The following ABCC1 variants were observed in gnomAD, a reference collection of about 807,000 sequenced individuals.
ABCC1 encodes multidrug resistance-associated protein 1.
In ABCC1, 83 loss-of-function variants were observed where a neutral mutation model predicts 172.9. The observed-to-expected ratio is 0.48, with a 90% CI of 0.40 to 0.58. ABCC1 has a LOEUF of 0.58. Ranked by LOEUF, ABCC1 falls within the 20% of genes least tolerant of loss-of-function variation. ABCC1 has a pLI of 0.00. For missense variants in ABCC1, 1,817 were observed against 2,002.7 expected (o/e 0.91, Z 1.77); for synonymous variants, 937 against 825.2 (o/e 1.14, Z -2.32).
At chr16:15,989,559 CT>C (rs775486163) in intron 1 of ABCC1, among the ~76,000 whole-genome samples, 4 of 152,296 alleles carry the variant, frequency 2.6e-5, no homozygotes, top group African/African-American at 4.8e-5. Context: ...GGCTTCTGAG[CT>C]ACCCCTCTGC....
intron 1 of ABCC1, among the ~76,000 whole-genome samples, chr16:15,996,568 C>A (rs1404581555): frequency 6.6e-6 from 1 of 152,176 alleles, no homozygotes; most frequent in African/African-American, 2.4e-5. Flanking sequence ...CTGCCCCATC[C>A]TCTCTGTGGC....
intron 11 of ABCC1, among the ~76,000 whole-genome samples, chr16:16,053,593 G>A (rs2151907039): frequency 6.6e-6 from 1 of 151,934 alleles, no homozygotes; most frequent in South Asian, 2.1e-4. Flanking sequence ...TTCAAGACCA[G>A]CCTGGGAAAC....
At chr16:16,136,399 C>A in intron 28 of ABCC1, 79 bp from the exon 29 acceptor site, 2 of 1,518,026 alleles carry the variant, frequency 1.3e-6, no homozygotes, top group Non-Finnish European at 1.8e-6. Context: ...CAGTCCTGGC[C>A]AGAAGTCCTT....
At chr16:16,084,236 G>A (rs1290942719) in intron 17 of ABCC1, among the ~76,000 whole-genome samples, 1 of 152,132 alleles carries the variant, frequency 6.6e-6, no homozygotes, top group Non-Finnish European at 1.5e-5. Context: ...CTGAGGGGCT[G>A]GAATTACAGG....
intron 1 of ABCC1, among the ~76,000 whole-genome samples, chr16:15,990,768 G>C (rs936729750): frequency 2.7e-4 from 41 of 151,126 alleles, no homozygotes; most frequent in Non-Finnish European, 5.4e-4. Context: ...TCCTGCCTCA[G>C]CCTCCCGAGT....
At chr16:16,096,440 C>CT in intron 19 of ABCC1, among the ~76,000 whole-genome samples, 2 of 152,228 alleles carry the variant, frequency 1.3e-5, no homozygotes, top group South Asian at 4.1e-4. Flanking sequence ...CCATAAGCAC[C>CT]TCCCCAAGTT....
intron 1 of ABCC1, among the ~76,000 whole-genome samples, chr16:15,995,224 C>T (rs186672646): frequency 6.6e-6 from 1 of 152,120 alleles, no homozygotes; most frequent in African/African-American, 2.4e-5. Context: ...AAATGGGTTA[C>T]GTTATAGTAC....
intron 5 of ABCC1, among the ~76,000 whole-genome samples, chr16:16,017,792 A>C (rs182774299): frequency 1.3e-3 from 197 of 152,230 alleles, no homozygotes; most frequent in African/African-American, 4.5e-3. Context: ...AGATCTGGGA[A>C]GGCCTGCCCA....
Position 16,142,391 on chromosome 16 carries a change from CT to C in ABCC1, c.*1113del, listed in dbSNP as rs1016963854. The C allele has an allele frequency of 3.9e-5, 6 of 152,164 alleles. No individual in the cohort carries two copies. The highest frequency in any genetic ancestry group is 1.4e-4 in the African/African-American group (6 of 41,434). 9.4% of individuals were successfully genotyped at this position (152,164 alleles called of 1,614,324 possible). On this transcript the variant is annotated 3_prime_UTR_variant, in exon 31 of 31. Coordinates refer to ENST00000399410, the MANE Select transcript of ABCC1 (RefSeq NM_004996.4). ...ATGGTACCTGCTCATGGTTATGAAG[CT>C]TTCAAAGTAAAGAACACGAAATACC...
chr16:16,135,858 T>C (rs1016248764), intron 28 of ABCC1, among the ~76,000 whole-genome samples: 1 of 152,150 alleles, frequency 6.6e-6, no homozygotes, highest in Non-Finnish European at 1.5e-5. Flanking sequence ...TCTTCTGTGG[T>C]TGGATGACGG....
At chr16:16,013,587 G>C (rs1266951712) in intron 3 of ABCC1, among the ~76,000 whole-genome samples, 4 of 151,216 alleles carry the variant, frequency 2.6e-5, no homozygotes, top group Non-Finnish European at 5.9e-5. Flanking sequence ...TCCCTACTCT[G>C]TATCAAGCGT....
chr16:16,005,665 T>G (rs1490879300), intron 1 of ABCC1, among the ~76,000 whole-genome samples: 2 of 152,120 alleles, frequency 1.3e-5, no homozygotes, highest in African/African-American at 4.8e-5. Flanking sequence ...ATTTTTAAAG[T>G]TATGCCAGAG....
chr16:16,049,561 A>G (rs2049344161), intron 10 of ABCC1, among the ~76,000 whole-genome samples: 1 of 152,136 alleles, frequency 6.6e-6, no homozygotes, highest in African/African-American at 2.4e-5. Flanking sequence ...CAAGGCTGTA[A>G]CAAACACTAC....
chr16:16,037,763 AG>A (rs781284826), intron 7 of ABCC1, among the ~76,000 whole-genome samples: 43 of 152,212 alleles, frequency 2.8e-4, no homozygotes, highest in Admixed American at 1.8e-3. Context: ...GGGGATGCCC[AG>A]GATACAGGCC....
intron 19 of ABCC1, among the ~76,000 whole-genome samples, chr16:16,092,929 G>C (rs1321189062): frequency 1.3e-5 from 2 of 152,210 alleles, no homozygotes; most frequent in Non-Finnish European, 2.9e-5. Context: ...TCAGGCTGCT[G>C]TGAGCCAAAA....
intron 20 of ABCC1, among the ~76,000 whole-genome samples, chr16:16,105,637 G>A (rs1435028242): frequency 1.3e-5 from 2 of 152,028 alleles, no homozygotes; most frequent in Non-Finnish European, 2.9e-5. Flanking sequence ...GTGGGTAGAG[G>A]AAAGTATAGA....
intron 1 of ABCC1, among the ~76,000 whole-genome samples, chr16:15,968,519 G>A (rs577347988): frequency 4.2e-4 from 63 of 151,788 alleles, no homozygotes; most frequent in African/African-American, 1.3e-3. Context: ...TAGGACTGCA[G>A]GCATGCACCA....
intron 30 of ABCC1, 108 bp from the exon 31 acceptor site, chr16:16,141,065 G>A (rs1249661458): frequency 2.3e-6 from 2 of 864,918 alleles, no homozygotes; most frequent in Non-Finnish European, 3.8e-6. Context: ...CTAGCAAAAA[G>A]TGTTAGGGGC....
At chr16:16,034,503 C>T (rs187612121) in intron 6 of ABCC1, among the ~76,000 whole-genome samples, 1 of 149,948 alleles carries the variant, frequency 6.7e-6, no homozygotes, top group Admixed American at 6.6e-5. Context: ...GCTCTAGTTA[C>T]ATAAGAGCAT....
Sources: allele counts gnomAD v4.1 joint callset (sites outside exome capture counted in the v4.1 genomes callset), GRCh38; gene constraint gnomAD v4.1.1; transcripts MANE v1.5; gene names NCBI Gene and HGNC (gene_info 2026-07-23, HGNC 2026-07-21).